SLC39A10: variants seen among roughly 807,000 people sequenced by gnomAD.
SLC39A10 encodes the protein solute carrier family 39 member 10, also known as zinc transporter ZIP10.
A neutral mutation model predicts 65.1 loss-of-function variants in SLC39A10; 13 were observed. The ratio of observed to expected loss-of-function variants is 0.20; its 90% CI spans 0.13 to 0.32. The LOEUF (loss-of-function observed/expected upper bound fraction) is 0.32, where lower values mean the gene tolerates loss of function less well. SLC39A10 is among the 10% of genes least tolerant of loss of function. The pLI is 1.00. For synonymous variants in SLC39A10, 321 were observed against 342.2 expected, an observed-to-expected ratio of 0.94 and a Z score of 0.68; for missense variants, 831 against 1,018.4, an observed-to-expected ratio of 0.82 and a Z score of 2.50.
At chr2:195,681,073 T>A (rs764070151) in intron 2 of SLC39A10, 23 bp downstream of exon 2, 1 of 1,575,038 alleles carries the variant, frequency 6.3e-7, no homozygotes, top group Non-Finnish European at 8.6e-7. Flanking sequence ...AGATGTCCGA[T>A]AGCTGCTTCG....
intron 1 of SLC39A10, among the ~76,000 whole-genome samples, chr2:195,678,173 T>G (rs1690166793): frequency 6.6e-6 from 1 of 152,222 alleles, no homozygotes; most frequent in Admixed American, 6.5e-5. Context: ...AGGCTTACAT[T>G]CAGCTTCTGG....
intron 9 of SLC39A10, among the ~76,000 whole-genome samples, chr2:195,729,162 T>A (rs77396538): frequency 0.1 from 15,482 of 151,852 alleles, 1,171 homozygotes; most frequent in East Asian, 0.33. Context: ...AACTTTTTTT[T>A]ATAGAGATAG....
intron 8 of SLC39A10, among the ~76,000 whole-genome samples, chr2:195,721,804 C>G (rs1028973673): frequency 5.3e-5 from 8 of 152,166 alleles, no homozygotes; most frequent in Non-Finnish European, 1.0e-4. Context: ...CTCCAACTTT[C>G]CTTCCTGTTC....
chr2:195,678,081 A>G (rs1185815286), intron 1 of SLC39A10, among the ~76,000 whole-genome samples: 1 of 152,168 alleles, frequency 6.6e-6, no homozygotes, highest in Non-Finnish European at 1.5e-5. Flanking sequence ...AATAATGATT[A>G]CGTGAATATT....
intron 1 of SLC39A10, among the ~76,000 whole-genome samples, chr2:195,660,344 CA>C (rs1243042623): frequency 1.3e-5 from 2 of 152,080 alleles, no homozygotes; most frequent in Non-Finnish European, 2.9e-5. Context: ...TGTAGGGAAT[CA>C]AAACAACTAG....
intron 2 of SLC39A10, among the ~76,000 whole-genome samples, chr2:195,613,720 A>G (rs1688146242): frequency 6.6e-6 from 1 of 152,228 alleles, no homozygotes; most frequent in African/African-American, 2.4e-5. Flanking sequence ...CACAGAAGTG[A>G]TTTTATATAG....
At chr2:195,630,515 T>C (rs1011089157) in intron 2 of SLC39A10, among the ~76,000 whole-genome samples, 1 of 152,164 alleles carries the variant, frequency 6.6e-6, no homozygotes, top group Non-Finnish European at 1.5e-5. Flanking sequence ...TGGGAGCCTT[T>C]CAGAGAAGGG....
intron 9 of SLC39A10, among the ~76,000 whole-genome samples, chr2:195,729,154 C>CT (rs902048391): frequency 1.7e-4 from 25 of 151,234 alleles, no homozygotes; most frequent in African/African-American, 5.1e-4. Flanking sequence ...TTTTTTTAAA[C>CT]TTTTTTTTAT....
intron 1 of SLC39A10, chr2:195,674,632 G>A: frequency 1.0e-6 from 1 of 985,216 alleles, no homozygotes; most frequent in Non-Finnish European, 1.2e-6. Context: ...CCCATGTTCT[G>A]TGAGTATTGC....
intron 3 of SLC39A10, among the ~76,000 whole-genome samples, chr2:195,695,304 C>T (rs891483775): frequency 3.3e-5 from 5 of 152,102 alleles, no homozygotes; most frequent in African/African-American, 1.2e-4. Context: ...GGATGTGGTT[C>T]CCAGGCCAAT....
chr2:195,657,906 G>A (rs1460264120), intron 1 of SLC39A10, among the ~76,000 whole-genome samples: 1 of 152,154 alleles, frequency 6.6e-6, no homozygotes, highest in Non-Finnish European at 1.5e-5. Context: ...GTTTTCTCCC[G>A]GACCAACCGA....
At chr2:195,695,049 A>C (rs1324499034) in intron 3 of SLC39A10, among the ~76,000 whole-genome samples, 1 of 152,124 alleles carries the variant, frequency 6.6e-6, no homozygotes, top group East Asian at 1.9e-4. Flanking sequence ...CACAGGAAGA[A>C]GAGGGGCCAG....
intron 9 of SLC39A10, among the ~76,000 whole-genome samples, chr2:195,732,269 CT>C (rs1291079835): frequency 6.6e-5 from 10 of 152,162 alleles, no homozygotes; most frequent in African/African-American, 2.4e-4. Context: ...TGGAGGAAGA[CT>C]TTTATTGATT....
chr2:195,727,020 A>G (rs1217794366), intron 8 of SLC39A10, among the ~76,000 whole-genome samples: 1 of 152,128 alleles, frequency 6.6e-6, no homozygotes, highest in Non-Finnish European at 1.5e-5. Context: ...CATTAGCTTC[A>G]ATACTATTAT....
intron 4 of SLC39A10, among the ~76,000 whole-genome samples, chr2:195,707,991 A>G (rs1347099412): frequency 1.3e-5 from 2 of 152,172 alleles, no homozygotes; most frequent in African/African-American, 4.8e-5. Context: ...TTCTATACAT[A>G]CATTTATGAT....
At chr2:195,646,230 G>C (rs1270486317) in intron 2 of SLC39A10, among the ~76,000 whole-genome samples, 2 of 152,184 alleles carry the variant, frequency 1.3e-5, no homozygotes, top group African/African-American at 4.8e-5. Context: ...ACAGATGTGA[G>C]CCAGCACACT....
At chr2:195,719,709 C>T (rs1329159976) in intron 8 of SLC39A10, among the ~76,000 whole-genome samples, 1 of 151,804 alleles carries the variant, frequency 6.6e-6, no homozygotes, top group African/African-American at 2.4e-5. Context: ...CCTCTGTCCC[C>T]TGGGTTCAAG....
At chr2:195,714,878 G>A (rs1574304671) in intron 6 of SLC39A10, among the ~76,000 whole-genome samples, 3 of 151,434 alleles carry the variant, frequency 2.0e-5, no homozygotes, top group Admixed American at 6.6e-5. Context: ...TCAGCCTCCC[G>A]AGTAGCTGGG....
intron 9 of SLC39A10, among the ~76,000 whole-genome samples, chr2:195,729,124 A>C (rs1054878201): frequency 2.0e-5 from 3 of 151,700 alleles, no homozygotes; most frequent in Non-Finnish European, 4.4e-5. Flanking sequence ...CATACCTGCC[A>C]CCACAGCCAG....
Sources: gnomAD v4.1 joint callset for allele counts (sites outside exome capture counted in the v4.1 genomes callset) on GRCh38, gnomAD v4.1.1 for gene constraint, MANE v1.5 for transcripts, NCBI Gene and HGNC (gene_info 2026-07-23, HGNC 2026-07-21) for gene names.